ZRANB3: variants seen among roughly 807,000 people sequenced by gnomAD.
ZRANB3 encodes DNA annealing helicase and endonuclease ZRANB3.
A neutral mutation model predicts 133.8 loss-of-function variants in ZRANB3; 125 were observed. The ratio of observed to expected loss-of-function variants is 0.93; its 90% confidence interval spans 0.81 to 1.08. The LOEUF (loss-of-function observed/expected upper bound fraction) is 1.08, where lower values mean the gene tolerates loss of function less well. ZRANB3 is among the 50% of genes least tolerant of loss of function. The pLI is 0.00. For synonymous variants in ZRANB3, 387 were observed against 432.7 expected, an observed-to-expected ratio of 0.89 and a Z score of 1.31; for missense variants, 1,229 against 1,275.5, an observed-to-expected ratio of 0.96 and a Z score of 0.56.
chr2:135,223,747 G>T (rs1045019514), intron 15 of ZRANB3, among the ~76,000 whole-genome samples: 1 of 152,152 alleles, frequency 6.6e-6, no homozygotes, highest in Non-Finnish European at 1.5e-5. Context: ...GTGCAAAGGG[G>T]TACTGAATCT....
At chr2:135,500,021 A>G (rs1283491483) in intron 2 of ZRANB3, among the ~76,000 whole-genome samples, 1 of 152,174 alleles carries the variant, frequency 6.6e-6, no homozygotes, top group Admixed American at 6.5e-5. Flanking sequence ...GAATAGAAAT[A>G]GGAAGAAAAC....
chr2:135,370,068 C>A (rs957230364), intron 3 of ZRANB3, among the ~76,000 whole-genome samples: 6 of 137,228 alleles, frequency 4.4e-5, no homozygotes, highest in Non-Finnish European at 1.6e-5. Flanking sequence ...CCTCGAAGAT[C>A]TTTATCTATA....
At chr2:135,344,019 A>G (rs1238388443) in intron 6 of ZRANB3, among the ~76,000 whole-genome samples, 1 of 152,200 alleles carries the variant, frequency 6.6e-6, no homozygotes, top group East Asian at 1.9e-4. Flanking sequence ...CACTTCTATA[A>G]CTTTATCTTA....
chr2:135,346,964 T>G (rs1468630900), intron 5 of ZRANB3, among the ~76,000 whole-genome samples: 1 of 152,228 alleles, frequency 6.6e-6, no homozygotes, highest in African/African-American at 2.4e-5. Context: ...CTTCCAATCC[T>G]GCCAACTACT....
chr2:135,498,935 G>C (rs578021315), intron 2 of ZRANB3, among the ~76,000 whole-genome samples: 1 of 152,256 alleles, frequency 6.6e-6, no homozygotes, highest in African/African-American at 2.4e-5. Flanking sequence ...ATGCGTGCCT[G>C]AAACTTCATT....
intron 9 of ZRANB3, among the ~76,000 whole-genome samples, chr2:135,274,018 T>A (rs6710841): frequency 0.24 from 35,901 of 152,112 alleles, 6,544 homozygotes; most frequent in African/African-American, 0.49. Context: ...AAAAAATATT[T>A]AGGTTAATTA....
intron 2 of ZRANB3, among the ~76,000 whole-genome samples, chr2:135,487,654 A>G (rs1035182539): frequency 3.9e-5 from 6 of 152,166 alleles, no homozygotes; most frequent in African/African-American, 4.8e-5. Context: ...CTTAATCCTC[A>G]TGAACCAACC....
chr2:135,422,966 A>G (rs1688921852), intron 2 of ZRANB3, among the ~76,000 whole-genome samples: 1 of 152,160 alleles, frequency 6.6e-6, no homozygotes, highest in Non-Finnish European at 1.5e-5. Context: ...TAAAATCAAG[A>G]TATCAACAGG....
intron 1 of ZRANB3, among the ~76,000 whole-genome samples, chr2:135,507,697 G>A (rs1043030995): frequency 6.7e-6 from 1 of 149,796 alleles, no homozygotes; most frequent in Non-Finnish European, 1.5e-5. Flanking sequence ...GTGGCTCATC[G>A]CTGTAATCCC....
At chr2:135,433,263 T>C (rs1220356639) in intron 2 of ZRANB3, among the ~76,000 whole-genome samples, 1 of 152,036 alleles carries the variant, frequency 6.6e-6, no homozygotes, top group Non-Finnish European at 1.5e-5. Flanking sequence ...GACGTGCGCC[T>C]GTAATCCCAG....
At chr2:135,294,008 T>A (rs572736841) in intron 8 of ZRANB3, among the ~76,000 whole-genome samples, 1 of 152,216 alleles carries the variant, frequency 6.6e-6, no homozygotes, top group South Asian at 2.1e-4. Flanking sequence ...CAGTATTTTA[T>A]TGAGGATTTT....
chr2:135,353,018 CTAA>C (rs910172898), intron 4 of ZRANB3, among the ~76,000 whole-genome samples: 2 of 151,998 alleles, frequency 1.3e-5, no homozygotes, highest in African/African-American at 4.8e-5. Context: ...ATCAAACTTA[CTAA>C]TGAGTCACAC....
intron 2 of ZRANB3, among the ~76,000 whole-genome samples, chr2:135,406,583 G>A (rs1688044958): frequency 6.6e-6 from 1 of 152,086 alleles, no homozygotes; most frequent in Non-Finnish European, 1.5e-5. Flanking sequence ...TAAAATACTG[G>A]CAAACCGAAT....
rs947132025 is a variant in ZRANB3, at chr2:135,275,887, T to C, written c.967-132A>G. The C allele has an allele frequency of 1.1e-5, 7 of 650,970 alleles. No homozygotes were observed. The African/African-American group carries it at 1.1e-4, about 11-fold the overall frequency. 40.3% of individuals were successfully genotyped at this position (650,970 alleles called of 1,614,324 possible). On this transcript the variant is annotated intron_variant, in intron 8 of 20. Coordinates refer to ENST00000264159, the MANE Select transcript of ZRANB3 (RefSeq NM_032143.4). Reference sequence around the variant, plus strand: ...ACTTTTAGCTGCATTGTTCTCTAGGTAGCCTAAGGAAGTAGAAGCCCACAT... The same window carrying C: ...ACTTTTAGCTGCATTGTTCTCTAGGCAGCCTAAGGAAGTAGAAGCCCACAT...
chr2:135,296,839 C>G (rs1682142500), intron 8 of ZRANB3, among the ~76,000 whole-genome samples: 1 of 152,126 alleles, frequency 6.6e-6, no homozygotes, highest in Admixed American at 6.5e-5. Context: ...TGCTGGAGGT[C>G]CACTCCAGAC....
chr2:135,339,998 A>C (rs529799350), intron 6 of ZRANB3, among the ~76,000 whole-genome samples: 2 of 152,188 alleles, frequency 1.3e-5, no homozygotes, highest in South Asian at 2.1e-4. Flanking sequence ...TTATAAAAGA[A>C]TTCCTCTATG....
At chr2:135,354,644 C>T (rs970804905) in intron 3 of ZRANB3, among the ~76,000 whole-genome samples, 10 of 152,088 alleles carry the variant, frequency 6.6e-5, no homozygotes, top group African/African-American at 1.7e-4. Flanking sequence ...ACATCTAAAA[C>T]GCATTTCGGT....
chr2:135,261,970 G>C (rs1430160069), intron 12 of ZRANB3, among the ~76,000 whole-genome samples: 1 of 151,778 alleles, frequency 6.6e-6, no homozygotes, highest in African/African-American at 2.4e-5. Flanking sequence ...GACCAGCCTG[G>C]GCAACAGGGT....
chr2:135,305,378 AT>A (rs2104813600), intron 8 of ZRANB3, among the ~76,000 whole-genome samples: 2 of 152,348 alleles, frequency 1.3e-5, no homozygotes, highest in South Asian at 4.1e-4. Context: ...GTCTATATGT[AT>A]CTTTACAGAT....
Sources: allele counts gnomAD v4.1 joint callset (sites outside exome capture counted in the v4.1 genomes callset), GRCh38; gene constraint gnomAD v4.1.1; transcripts MANE v1.5; gene names NCBI Gene and HGNC (gene_info 2026-07-23, HGNC 2026-07-21).